Variants in SND1 observed in about 807,000 individuals in gnomAD.
The protein encoded by SND1 is staphylococcal nuclease and tudor domain containing 1, also known as staphylococcal nuclease domain-containing protein 1.
In SND1, 38 loss-of-function variants were observed where a neutral mutation model predicts 121.7. That is an observed-to-expected ratio of 0.31 (90% confidence interval 0.24 to 0.41). The LOEUF (loss-of-function observed/expected upper bound fraction) is 0.41, where lower values mean the gene tolerates loss of function less well. Ranked by LOEUF, SND1 falls within the 10% of genes least tolerant of loss-of-function variation. The pLI is 1.00. For synonymous variants in SND1, 401 were observed against 447.4 expected (o/e 0.90, Z 1.31); for missense variants, 868 against 1,184.6 (o/e 0.73, Z 3.92).
intron 16 of SND1, among the ~76,000 whole-genome samples, chr7:128,055,381 G>T (rs1324333296): frequency 2.6e-5 from 4 of 152,134 alleles, no homozygotes; most frequent in Non-Finnish European, 5.9e-5. Flanking sequence ...CTGGGTGTCT[G>T]CTGTAGCTTT....
intron 11 of SND1, among the ~76,000 whole-genome samples, chr7:127,819,644 G>A (rs1318275357): frequency 2.6e-5 from 4 of 152,080 alleles, no homozygotes; most frequent in Admixed American, 2.0e-4. Context: ...CACCTCACCC[G>A]CTTTCTATTT....
chr7:127,857,882 T>C, intron 12 of SND1: 1 of 1,344,862 alleles, frequency 7.4e-7, no homozygotes, highest in South Asian at 1.2e-5. Context: ...CGTTTGGAGT[T>C]GTAGAACTGA....
rs952705394 is a variant in SND1 at position 128,031,906 on chromosome 7, T to A, written c.1779+40850T>A. On this transcript the variant is annotated intron_variant, in intron 16 of 23. Transcript: ENST00000354725. ...CCGCCAGCGGACTGCTGCAGCGGCG[T>A]GAGCAGCGGGGGTCGCGGCTGCGGG... The A allele has an allele frequency of 2.5e-3, 374 of 150,726 alleles. 2 individuals are homozygous for A. The highest frequency in any genetic ancestry group is 8.3e-3 in the African/African-American group (341 of 41,220). The allele number at this position is 150,726 out of a possible 1,614,324, so 9.3% of individuals were successfully genotyped here.
rs574006872 is a variant in SND1, at chr7:128,015,276, A to G, written c.1779+24220A>G. On this transcript the variant is annotated intron_variant, in intron 16 of 23. Transcript: ENST00000354725. The surrounding 1 kb of genome is among the most constrained non-coding windows in gnomAD (Gnocchi z 4.5). ...CTAAAATGAAGACCGCTCTTAGTTC[A>G]TGTTCTGGCATATTAATCAGGGTGA... Among the ~76,000 whole-genome samples the G allele has an allele frequency of 8.6e-4, 131 of 152,344 alleles. No individual in the cohort carries two copies. The highest frequency in any genetic ancestry group is 1.6e-3 in the Non-Finnish European group (111 of 68,032).
intron 11 of SND1, among the ~76,000 whole-genome samples, chr7:127,814,845 T>C (rs773100481): frequency 1.2e-4 from 19 of 152,154 alleles, no homozygotes; most frequent in Non-Finnish European, 2.5e-4. Flanking sequence ...GTCTGTTGGT[T>C]CTAAGGTTGA....
chr7:127,836,807 A>T (rs1352506544), intron 11 of SND1, among the ~76,000 whole-genome samples: 1 of 152,220 alleles, frequency 6.6e-6, no homozygotes, highest in East Asian at 1.9e-4. Flanking sequence ...AAGGTAAAGA[A>T]TTCTAGAATC....
At chr7:128,020,037 T>C (rs1803310265) in intron 16 of SND1, among the ~76,000 whole-genome samples, 1 of 152,230 alleles carries the variant, frequency 6.6e-6, no homozygotes, top group African/African-American at 2.4e-5. Context: ...TCCTGTCATG[T>C]TGGGATAGAT....
chr7:127,843,233 C>A (rs1798996775), intron 11 of SND1, among the ~76,000 whole-genome samples: 1 of 152,122 alleles, frequency 6.6e-6, no homozygotes, highest in African/African-American at 2.4e-5. Context: ...GTTGAGCCTA[C>A]CTTAACACAT....
intron 16 of SND1, among the ~76,000 whole-genome samples, chr7:128,013,221 T>A (rs1803153334): frequency 6.6e-6 from 1 of 152,178 alleles, no homozygotes; most frequent in Admixed American, 6.5e-5. Context: ...TTCTCCTGAC[T>A]CTGGATCACT....
chr7:127,699,496 T>C (rs1436910001), intron 4 of SND1, among the ~76,000 whole-genome samples: 1 of 152,214 alleles, frequency 6.6e-6, no homozygotes, highest in Non-Finnish European at 1.5e-5. Context: ...TGTTCTGTTT[T>C]CAGAGTCAGG....
In SND1 at chr7:127,787,433, C is replaced by T. The variant is rs536591676; in HGVS notation, c.1153-20051C>T. Among the ~76,000 whole-genome samples the T allele has an allele frequency of 3.3e-5, 5 of 152,280 alleles. No homozygotes were observed. In the East Asian group the frequency reaches 7.7e-4, roughly 24 times the overall value. On this transcript the variant is annotated intron_variant, in intron 10 of 23. Coordinates refer to ENST00000354725, the MANE Select transcript of SND1 (RefSeq NM_014390.4). ...AATTTTCATTGTAAAGTCAAGGTCT[C>T]ACTATGTTGCCCAGGCTGGTCTTGA...
intron 16 of SND1, among the ~76,000 whole-genome samples, chr7:128,055,676 C>G (rs546353528): frequency 6.6e-6 from 1 of 152,280 alleles, no homozygotes; most frequent in East Asian, 1.9e-4. Context: ...TCCGGCAGTT[C>G]TGTGCTGAGG....
intron 12 of SND1, among the ~76,000 whole-genome samples, chr7:127,870,131 A>G (rs976202361): frequency 2.0e-5 from 3 of 152,158 alleles, no homozygotes; most frequent in African/African-American, 7.2e-5. Flanking sequence ...GCCACCTATA[A>G]AATGAAGAAG....
intron 20 of SND1, chr7:128,086,598 C>T (rs1793691520): frequency 2.7e-6 from 1 of 367,402 alleles, no homozygotes; most frequent in Non-Finnish European, 5.2e-6. Context: ...CCTGTGGGAA[C>T]GTAGTCAGGG....
intron 2 of SND1, among the ~76,000 whole-genome samples, chr7:127,694,005 A>T (rs1017381399): frequency 6.6e-6 from 1 of 152,086 alleles, no homozygotes. Flanking sequence ...TACTGTGTGG[A>T]TGTGTAGCTC....
chr7:127,991,077 T>C lies in SND1; in HGVS notation c.1779+21T>C, dbSNP rs1253402071. On this transcript the variant is annotated intron_variant, in intron 16 of 23. Transcript: ENST00000354725. ...GAGAGGTAGGACATCTTCCTGTTGC[T>C]TCTTCTGTGAGGAGGGGTGACAAAA... 6 of 1,584,070 alleles carry C rather than the reference T, an allele frequency of 3.8e-6. No individual in the cohort carries two copies. In the South Asian group the frequency reaches 4.5e-5, roughly 12 times the overall value.
At position 128,052,691 on chromosome 7, in the gene SND1, G is replaced by T. The variant is rs1285264183; in HGVS notation, c.1780-21811G>T. Among the ~76,000 whole-genome samples, 1 of 152,248 alleles carries T rather than the reference G, an allele frequency of 6.6e-6. No homozygotes were observed. The highest frequency in any genetic ancestry group is 1.5e-5 in the Non-Finnish European group (1 of 68,050). On this transcript the variant is annotated intron_variant, in intron 16 of 23. Coordinates refer to ENST00000354725, the MANE Select transcript of SND1 (RefSeq NM_014390.4). This position sits in a 1 kb window ranked among gnomAD's most constrained non-coding sequence, Gnocchi z 4.6. ...ACAACTCGTCCGTCAAGGGAAATCA[G>T]ATGAAATCCATCTCCTTGTCCAAAG...
intron 10 of SND1, among the ~76,000 whole-genome samples, chr7:127,752,662 T>C (rs903238381): frequency 3.3e-5 from 5 of 152,366 alleles, no homozygotes; most frequent in Admixed American, 6.5e-5. Context: ...TTGTCACAAC[T>C]ATTCAACTCT....
chr7:127,897,815 A>G (rs1394199359), intron 13 of SND1, among the ~76,000 whole-genome samples: 1 of 152,138 alleles, frequency 6.6e-6, no homozygotes, highest in Non-Finnish European at 1.5e-5. Context: ...TGCACCTATT[A>G]AAAGTGGTAC....
Sources: allele counts gnomAD v4.1 joint callset (sites outside exome capture counted in the v4.1 genomes callset), GRCh38; gene constraint gnomAD v4.1.1; non-coding constraint Gnocchi (gnomAD v3.1); transcripts MANE v1.5; gene names NCBI Gene and HGNC (gene_info 2026-07-23, HGNC 2026-07-21).